The following WHAMM variants were observed in gnomAD, a reference collection of about 807,000 sequenced individuals.
The protein encoded by WHAMM is WASP homolog associated with actin, golgi membranes and microtubules.
A neutral mutation model predicts 76.5 loss-of-function variants in WHAMM; 67 were observed. That is an observed-to-expected ratio of 0.88 (90% CI 0.72 to 1.07). The LOEUF (loss-of-function observed/expected upper bound fraction) is 1.07, where lower values mean the gene tolerates loss of function less well. Among genes scored for constraint, WHAMM ranks in the 50% least tolerant of loss-of-function variants. WHAMM has a pLI of 0.00. For synonymous variants in WHAMM, 419 were observed against 422.1 expected (o/e 0.99, Z 0.09); for missense variants, 1,021 against 1,051.1 (o/e 0.97, Z 0.40).
intron 8 of WHAMM, among the ~76,000 whole-genome samples, chr15:82,829,948 C>T (rs1339978522): frequency 2.0e-5 from 3 of 152,222 alleles, no homozygotes; most frequent in Admixed American, 1.3e-4. Flanking sequence ...ACCTGAAAGA[C>T]CAGAACTTTT....
At chr15:82,816,257 C>T (rs748552219) in intron 2 of WHAMM, among the ~76,000 whole-genome samples, 3 of 152,142 alleles carry the variant, frequency 2.0e-5, no homozygotes, top group African/African-American at 7.2e-5. Flanking sequence ...CATGAATATA[C>T]AGATACTATA....
At chr15:82,819,239 A>G in intron 4 of WHAMM, 84 bp from the exon 5 acceptor site, 1 of 529,192 alleles carries the variant, frequency 1.9e-6, no homozygotes, top group African/African-American at 2.0e-5. Context: ...AACAAGGAAT[A>G]GAAAATAGCT....
chr15:82,827,610 C>T (rs758063380), intron 8 of WHAMM, among the ~76,000 whole-genome samples: 3 of 152,248 alleles, frequency 2.0e-5, no homozygotes, highest in Non-Finnish European at 4.4e-5. Flanking sequence ...ATATCCATCA[C>T]CTCAAACATT....
rs1349531107 is a variant in WHAMM, at chr15:82,816,723, G to C, written c.815G>C (p.Arg272Thr). The C allele has an allele frequency of 6.4e-7, 1 of 1,557,276 alleles. No individual in the cohort carries two copies. Residue 272 changes from arginine to threonine, a missense_variant, in exon 3 of 10, where the codon AGA (arginine) becomes ACA (threonine). Arg to Thr is a moderately conservative substitution (Grantham distance 71). This residue lies in a region of WHAMM where 501 missense variants were observed against 524.9 expected (regional missense o/e 0.95). Coordinates refer to ENST00000286760, the MANE Select transcript of WHAMM (RefSeq NM_001080435.3). The part of the protein sequence containing the change: ...KSLDEDDLGP[R>T]RVVALEKEAE... ...TTGGATGAGGATGACCTAGGTCCTAGAAGGGTAGTTGCCCTGGAGAAAGAA... is the reference window on the plus strand; with the variant it reads ...TTGGATGAGGATGACCTAGGTCCTACAAGGGTAGTTGCCCTGGAGAAAGAA...
chr15:82,815,155 A>ATATATATATATATATATATATAAT lies in WHAMM; in HGVS notation c.784-1537_784-1536insTATATATATATATATATATATAAT, dbSNP rs55807384. On this transcript the variant is annotated intron_variant, in intron 2 of 9. Transcript: ENST00000286760. ...TATATATATATATATATATATATATAGTACAATTCAGTGATTTTTAGTATA... is the reference window on the plus strand; with the variant it reads ...TATATATATATATATATATATATATATATATATATATATATATATATAATGTACAATTCAGTGATTTTTAGTATA... Among the ~76,000 whole-genome samples, 7 of 46,134 alleles carry ATATATATATATATATATATATAAT rather than the reference A, an allele frequency of 1.5e-4. 1 individual carries two copies. The highest frequency in any genetic ancestry group is 2.0e-4 in the Non-Finnish European group (5 of 25,250). The allele number at this position is 46,134 out of a possible 152,430, so 30.3% of individuals were successfully genotyped here. A position where few individuals can be genotyped will look rare whatever the true frequency, so the allele number is the denominator to read the frequency against.
Position 82,823,250 on chromosome 15 carries a change from G to C in WHAMM, c.1421G>C (p.Arg474Thr). The C allele has an allele frequency of 1.3e-6, 2 of 1,559,862 alleles. No individual in the cohort carries two copies. The highest frequency in any genetic ancestry group is 1.2e-5 in the South Asian group (1 of 81,514). Residue 474 changes from arginine to threonine, a missense_variant, in exon 6 of 10, where the codon AGG becomes ACG. This residue lies in a region of WHAMM where 509 missense variants were observed against 492.3 expected (regional missense o/e 1.03). Transcript: ENST00000286760. Reference sequence around the variant, plus strand: ...CAGCAGCTGGAGTCTAAACGGGGCAGGATCTGTGCCAAAAGAGCCTCTCTC... The same window carrying C: ...CAGCAGCTGGAGTCTAAACGGGGCACGATCTGTGCCAAAAGAGCCTCTCTC... ...QCQQLESKRGRICAKRASLRS... is the reference protein window; with the variant it reads ...QCQQLESKRGTICAKRASLRS...
chr15:82,810,704 C>G (rs2050614267), intron 1 of WHAMM: 2 of 985,406 alleles, frequency 2.0e-6, no homozygotes, highest in Non-Finnish European at 2.4e-6. Flanking sequence ...ATAACACGGA[C>G]TAAATGTAAG....
chr15:82,815,420 T>C (rs2050711337), intron 2 of WHAMM, among the ~76,000 whole-genome samples: 1 of 152,126 alleles, frequency 6.6e-6, no homozygotes, highest in Non-Finnish European at 1.5e-5. Flanking sequence ...TTTCTTTTTA[T>C]TGCTGAGTAA....
intron 5 of WHAMM, among the ~76,000 whole-genome samples, chr15:82,821,002 G>A (rs1319542393): frequency 1.3e-5 from 2 of 151,100 alleles, no homozygotes; most frequent in African/African-American, 2.4e-5. Flanking sequence ...TTGCTTACTT[G>A]ACAGAGAAAA....
intron 8 of WHAMM, 35 bp from the exon 9 acceptor site, chr15:82,830,564 G>C (rs367975629): frequency 1.9e-6 from 3 of 1,592,926 alleles, no homozygotes; most frequent in Non-Finnish European, 2.6e-6. Flanking sequence ...GTTTGCACTT[G>C]TGGCAGATTG....
chr15:82,823,007 CA>C, intron 5 of WHAMM, 92 bp from the exon 6 acceptor site: 4 of 1,096,526 alleles, frequency 3.6e-6, no homozygotes, highest in Non-Finnish European at 4.8e-6. Flanking sequence ...GGTGGGATTA[CA>C]AGTGATCTTT....
rs188804862 is a variant in WHAMM, at chr15:82,832,290, A to T, written c.2123-939A>T. 2.0e-5 allele frequency among the ~76,000 whole-genome samples: 3 copies of T among 152,318 alleles called. No individual in the cohort carries two copies. The East Asian group carries it at 5.8e-4, about 29-fold the overall frequency. ...ACCTGTCTCATTACCCCCAGAAAGAAATTGTAATAAGAAGGTATAAGTTTA... is the reference window on the plus strand; with the variant it reads ...ACCTGTCTCATTACCCCCAGAAAGATATTGTAATAAGAAGGTATAAGTTTA... On this transcript the variant is annotated intron_variant, in intron 9 of 9. Coordinates refer to ENST00000286760, the MANE Select transcript of WHAMM (RefSeq NM_001080435.3).
Position 82,833,705 on chromosome 15 carries a change from T to A in WHAMM, c.*169T>A. 1.4e-6 allele frequency: 1 copy of A among 732,830 alleles called. No individual in the cohort carries two copies. Among genetic ancestry groups the A allele is most frequent in the Non-Finnish European group, 2.2e-6 (1 of 463,638 alleles). The allele number at this position is 732,830 out of a possible 1,614,324, so 45.4% of individuals were successfully genotyped here. A position where few individuals can be genotyped will look rare whatever the true frequency, so the allele number is the denominator to read the frequency against. Reference sequence around the variant, plus strand: ...TGCAGCATTTTTTTTTTTTTTCTTTTTTGAGATGGAGTCTCACTCTGTCGC... The same window carrying A: ...TGCAGCATTTTTTTTTTTTTTCTTTATTGAGATGGAGTCTCACTCTGTCGC... On this transcript the variant is annotated 3_prime_UTR_variant, in exon 10 of 10. Transcript: ENST00000286760.
chr15:82,816,936 T>A, intron 3 of WHAMM, 94 bp downstream of exon 3: 1 of 1,262,410 alleles, frequency 7.9e-7, no homozygotes, highest in East Asian at 2.6e-5. Context: ...CTAGGTACTA[T>A]GTTTTCTAGG....
chr15:82,816,895 A>T, intron 3 of WHAMM, 53 bp downstream of exon 3: 1 of 1,510,238 alleles, frequency 6.6e-7, no homozygotes, highest in South Asian at 1.3e-5. Flanking sequence ...TTATCATTTT[A>T]TTCAAATACC....
At position 82,833,760 on chromosome 15, in the gene WHAMM, G is replaced by A. The variant is rs990050930; in HGVS notation, c.*224G>A. On this transcript the variant is annotated 3_prime_UTR_variant, in exon 10 of 10. Transcript: ENST00000286760. ...GCTGGGGTGCAGTGGCGCCATCTCG[G>A]CTCACCGCAAGCTCCGCTTCCCAGG... 4 of 531,986 alleles carry A rather than the reference G, an allele frequency of 7.5e-6. No homozygotes were observed. The highest frequency in any genetic ancestry group is 2.4e-5 in the South Asian group (1 of 42,124). 33.0% of individuals were successfully genotyped at this position (531,986 alleles called of 1,614,324 possible).
intron 1 of WHAMM, among the ~76,000 whole-genome samples, chr15:82,811,908 C>T (rs1339912807): frequency 6.6e-6 from 1 of 151,250 alleles, no homozygotes; most frequent in Non-Finnish European, 1.5e-5. Flanking sequence ...GAAAGTAGAT[C>T]ACTTTATCCT....
intron 9 of WHAMM, among the ~76,000 whole-genome samples, chr15:82,832,434 G>A (rs1268387976): frequency 2.6e-5 from 4 of 152,164 alleles, no homozygotes; most frequent in Non-Finnish European, 4.4e-5. Context: ...GCCACAGTCA[G>A]GCCTGTCTCC....
At chr15:82,820,601 A>G (rs2050803284) in intron 5 of WHAMM, among the ~76,000 whole-genome samples, 2 of 152,270 alleles carry the variant, frequency 1.3e-5, no homozygotes, top group African/African-American at 4.8e-5. Flanking sequence ...TACATTTAAA[A>G]TGATGCTCCC....
Sources: allele counts gnomAD v4.1 joint callset (sites outside exome capture counted in the v4.1 genomes callset), GRCh38; gene constraint gnomAD v4.1.1; regional missense constraint gnomAD v4.1.1; transcripts MANE v1.5; gene names NCBI Gene and HGNC (gene_info 2026-07-23, HGNC 2026-07-21).